The following RPGRIP1L variants were observed in gnomAD, a reference collection of about 807,000 sequenced individuals.
RPGRIP1L encodes the protein RPGRIP1 like.
In RPGRIP1L, 131 loss-of-function variants were observed where a neutral mutation model predicts 160.4. The ratio of observed to expected loss-of-function variants is 0.82; its 90% CI spans 0.71 to 0.94. The LOEUF is 0.94. Ranked by LOEUF, RPGRIP1L falls within the 40% of genes least tolerant of loss-of-function variation. RPGRIP1L has a pLI of 0.00. For missense variants in RPGRIP1L, 1,522 were observed against 1,535.8 expected, an observed-to-expected ratio of 0.99 and a Z score of 0.15; for synonymous variants, 510 against 515.8, an observed-to-expected ratio of 0.99 and a Z score of 0.15.
chr16:53,657,013 G>A (rs1967312771), intron 13 of RPGRIP1L, among the ~76,000 whole-genome samples: 1 of 152,186 alleles, frequency 6.6e-6, no homozygotes, highest in East Asian at 1.9e-4. Context: ...AGGCCGAGGT[G>A]GGTGGATCAC....
At chr16:53,613,570 G>A (rs980446643) in intron 24 of RPGRIP1L, among the ~76,000 whole-genome samples, 15 of 152,094 alleles carry the variant, frequency 9.9e-5, no homozygotes, top group African/African-American at 3.6e-4. Context: ...TACTGTCTTG[G>A]CTTCCCAAAG....
At chr16:53,702,880 C>A (rs1024896676) in intron 1 of RPGRIP1L, among the ~76,000 whole-genome samples, 1 of 152,184 alleles carries the variant, frequency 6.6e-6, no homozygotes, top group East Asian at 1.9e-4. Flanking sequence ...TTTGTCTCCA[C>A]TAAAAAAGGA....
intron 17 of RPGRIP1L, among the ~76,000 whole-genome samples, chr16:53,643,788 T>TA (rs1966387221): frequency 6.6e-6 from 1 of 152,162 alleles, no homozygotes; most frequent in South Asian, 2.1e-4. Flanking sequence ...GACGTTACAA[T>TA]ATATTATCCA....
rs951819675 is a variant in RPGRIP1L, at chr16:53,656,078, G to C, written c.1699+394C>G. Among the ~76,000 whole-genome samples the C allele has an allele frequency of 6.1e-4, 93 of 152,296 alleles. 1 individual carries two copies. Among genetic ancestry groups the C allele is most frequent in the African/African-American group, 2.0e-3 (85 of 41,568 alleles). On this transcript the variant is annotated intron_variant, in intron 14 of 26. Transcript: ENST00000647211. Reference sequence around the variant, plus strand: ...AATTAAAAAGTGGTAGTAAATTTGAGTTTGTAGTAATTTATGAAGTAATTT... The same window carrying C: ...AATTAAAAAGTGGTAGTAAATTTGACTTTGTAGTAATTTATGAAGTAATTT...
At chr16:53,659,967 A>T (rs1422993078) in intron 10 of RPGRIP1L, 1 of 152,166 alleles carries the variant, frequency 6.6e-6, no homozygotes, top group African/African-American at 2.4e-5. Flanking sequence ...AGTGCTAAGA[A>T]ATGGAATAAT....
chr16:53,667,023 G>T (rs1968323133), intron 9 of RPGRIP1L, among the ~76,000 whole-genome samples: 1 of 152,090 alleles, frequency 6.6e-6, no homozygotes, highest in African/African-American at 2.4e-5. Context: ...ACCACATCTG[G>T]CTCCATTTTC....
At chr16:53,621,271 A>G (rs1005701613) in intron 23 of RPGRIP1L, among the ~76,000 whole-genome samples, 4 of 152,182 alleles carry the variant, frequency 2.6e-5, no homozygotes, top group African/African-American at 9.6e-5. Flanking sequence ...TTAAAATACA[A>G]TCCTAGATAA....
At chr16:53,667,147 T>C (rs1264526516) in intron 9 of RPGRIP1L, among the ~76,000 whole-genome samples, 2 of 152,192 alleles carry the variant, frequency 1.3e-5, no homozygotes, top group Admixed American at 1.3e-4. Flanking sequence ...AGGGGGATCA[T>C]AGTTAGTCTT....
intron 9 of RPGRIP1L, among the ~76,000 whole-genome samples, chr16:53,670,486 GAC>G (rs141143731): frequency 1.3e-5 from 2 of 151,208 alleles, no homozygotes; most frequent in Middle Eastern, 3.4e-3. Context: ...TACACACACA[GAC>G]ACACACACAC....
chr16:53,698,753 CT>C (rs1366387422), intron 2 of RPGRIP1L, among the ~76,000 whole-genome samples: 1 of 148,658 alleles, frequency 6.7e-6, no homozygotes, highest in Non-Finnish European at 1.5e-5. Flanking sequence ...GCCGCCCCGT[CT>C]GGGAGGGAGG....
chr16:53,630,173 T>C (rs1027783859), intron 22 of RPGRIP1L, among the ~76,000 whole-genome samples: 1 of 151,928 alleles, frequency 6.6e-6, no homozygotes, highest in African/African-American at 2.4e-5. Flanking sequence ...GCCTTCAGAG[T>C]AGCTAGGACT....
intron 6 of RPGRIP1L, among the ~76,000 whole-genome samples, chr16:53,679,076 G>A (rs1969418125): frequency 6.6e-6 from 1 of 152,140 alleles, no homozygotes; most frequent in South Asian, 2.1e-4. Flanking sequence ...TGAAAACAGT[G>A]CTCTCTGATT....
rs745413543 is a variant in RPGRIP1L at position 53,652,883 on chromosome 16, G to A, written c.1804C>T (p.Arg602Ter). 16 of 1,612,670 alleles carry A rather than the reference G, an allele frequency of 9.9e-6. No homozygotes were observed. Among genetic ancestry groups the A allele is most frequent in the Admixed American group, 8.4e-5 (5 of 59,758 alleles). ...DEFDETIHLERGENLFEIHIN... is the reference protein window; with the variant it reads ...DEFDETIHLE ...TGGATTTCAAATAGATTTTCGCCTC[G>A]TTCTAAGTGGATGGTTTCATCAAAT... is the stretch of plus-strand genomic sequence containing the variant. Residue 602 changes from arginine to a stop codon, truncating the protein, a stop_gained, in exon 15 of 27, where the codon CGA becomes TGA. Transcript: ENST00000647211. LOFTEE classifies it high-confidence loss of function.
intron 22 of RPGRIP1L, among the ~76,000 whole-genome samples, chr16:53,625,369 C>T (rs866628635): frequency 2.1e-4 from 31 of 148,652 alleles, no homozygotes; most frequent in Admixed American, 6.7e-4. Context: ...TCCGCCCGGC[C>T]GCCACCCCGT....
At chr16:53,693,073 G>A (rs1160751521) in intron 3 of RPGRIP1L, among the ~76,000 whole-genome samples, 1 of 152,172 alleles carries the variant, frequency 6.6e-6, no homozygotes, top group Admixed American at 6.5e-5. Context: ...AAACTGGTTA[G>A]AAAGAACAAA....
At chr16:53,607,380 A>G (rs898083335) in intron 25 of RPGRIP1L, among the ~76,000 whole-genome samples, 1 of 152,214 alleles carries the variant, frequency 6.6e-6, no homozygotes, top group Non-Finnish European at 1.5e-5. Context: ...GCTTGTTTCA[A>G]TTGAAAATTT....
intron 12 of RPGRIP1L, 56 bp from the exon 13 acceptor site, chr16:53,657,688 A>C: frequency 1.1e-6 from 1 of 947,272 alleles, no homozygotes; most frequent in Non-Finnish European, 1.6e-6. Context: ...ATGTGATTTT[A>C]TGAATTAATA....
At position 53,600,449 on chromosome 16, in the gene RPGRIP1L, C is replaced by T. The variant is rs188203905; in HGVS notation, c.*1627G>A. The T allele has an allele frequency of 5.2e-3, 793 of 152,668 alleles. 3 individuals carry two copies. Among genetic ancestry groups the T allele is most frequent in the Non-Finnish European group, 8.6e-3 (588 of 68,038 alleles). 9.5% of individuals were successfully genotyped at this position (152,668 alleles called of 1,614,324 possible). On this transcript the variant is annotated 3_prime_UTR_variant, in exon 27 of 27. Transcript: ENST00000647211. ...AGTTGGATGAGAGCAAGATTCTTCT[C>T]GGAGATGGCAGGCCCCAGGACAGGG...
chr16:53,673,505 A>AAT (rs58849260), intron 7 of RPGRIP1L, among the ~76,000 whole-genome samples: 26,589 of 151,984 alleles, frequency 0.17, 4,240 homozygotes, highest in African/African-American at 0.42. Context: ...AATTTAGTAA[A>AAT]AGTTATGAAC....
Sources: gnomAD v4.1 joint callset for allele counts (sites outside exome capture counted in the v4.1 genomes callset) on GRCh38, gnomAD v4.1.1 for gene constraint, MANE v1.5 for transcripts, NCBI Gene and HGNC (gene_info 2026-07-23, HGNC 2026-07-21) for gene names.